Variants in ATG4C observed in about 807,000 individuals in gnomAD.
The protein encoded by ATG4C is cysteine protease ATG4C.
In ATG4C, 56 loss-of-function variants were observed where a neutral mutation model predicts 57.6. The ratio of observed to expected loss-of-function variants is 0.97; its 90% CI spans 0.78 to 1.21. The LOEUF (loss-of-function observed/expected upper bound fraction) is 1.21, where lower values mean the gene tolerates loss of function less well. ATG4C is among the 50% of genes most tolerant of loss of function. ATG4C has a pLI of 0.00. For synonymous variants in ATG4C, 157 were observed against 174.1 expected, an observed-to-expected ratio of 0.90 and a Z score of 0.78; for missense variants, 595 against 529.8, an observed-to-expected ratio of 1.12 and a Z score of -1.21.
chr1:62,848,756 A>G (rs1344438978), intron 10 of ATG4C, among the ~76,000 whole-genome samples: 1 of 152,194 alleles, frequency 6.6e-6, no homozygotes, highest in Non-Finnish European at 1.5e-5. Context: ...TTTAATCCCC[A>G]AGAAACTATT....
At chr1:62,856,677 A>G (rs569494457) in intron 10 of ATG4C, among the ~76,000 whole-genome samples, 2 of 152,326 alleles carry the variant, frequency 1.3e-5, no homozygotes, top group East Asian at 3.9e-4. Context: ...AGACAAATGT[A>G]TAGGACTTTG....
At chr1:62,801,643 G>A (rs995150751) in intron 1 of ATG4C, among the ~76,000 whole-genome samples, 1 of 151,566 alleles carries the variant, frequency 6.6e-6, no homozygotes, top group African/African-American at 2.4e-5. Context: ...GGGAGACAGA[G>A]CGAGACTCCA....
At chr1:62,857,601 C>T (rs1666725426) in intron 10 of ATG4C, among the ~76,000 whole-genome samples, 1 of 152,150 alleles carries the variant, frequency 6.6e-6, no homozygotes, top group African/African-American at 2.4e-5. Flanking sequence ...GAGAAATTGT[C>T]TTCCATGAAA....
Position 62,819,171 on chromosome 1 carries a change from T to C in ATG4C, c.561T>C (p.Asp187=). The C allele has an allele frequency of 6.2e-7, 1 of 1,613,556 alleles. No homozygotes were observed. Among genetic ancestry groups the C allele is most frequent in the Non-Finnish European group, 8.5e-7 (1 of 1,179,714 alleles). ...AGGAAACAATTGGGAAATATTCTGA[T>C]GATCATGAAATGCGAAATGAAGTTT... The part of the protein sequence containing the change: ...SLKETIGKYS[D]DHEMRNEVYH... The change falls in exon 5 of 11, where the codon GAT becomes GAC. Residue 187 remains aspartate (D), a synonymous_variant. Transcript: ENST00000317868.
At chr1:62,855,955 TCA>T (rs1439573164) in intron 10 of ATG4C, among the ~76,000 whole-genome samples, 1 of 152,242 alleles carries the variant, frequency 6.6e-6, no homozygotes, top group Non-Finnish European at 1.5e-5. Context: ...GGAAGTATTT[TCA>T]GTTTTCAGAT....
In ATG4C at chr1:62,835,338, AT is replaced by A. The variant is rs529104788; in HGVS notation, c.1089+494del. 226 of 311,226 alleles carry A rather than the reference AT, an allele frequency of 7.3e-4. 1 individual carries two copies. Among genetic ancestry groups the A allele is most frequent in the East Asian group, 1.3e-3 (13 of 9,812 alleles). The allele number at this position is 311,226 out of a possible 1,614,324, so 19.3% of individuals were successfully genotyped here. On this transcript the variant is annotated intron_variant, in intron 9 of 10. Coordinates refer to ENST00000317868, the MANE Select transcript of ATG4C (RefSeq NM_032852.4). The stretch of plus-strand genomic sequence containing the variant: ...TTTCAAGAGCTTAGTTGGGTTTCTA[AT>A]TTTTTTTGAGCTTTTATTTCTTAAC...
At chr1:62,837,713 G>C (rs1485646177) in intron 9 of ATG4C, among the ~76,000 whole-genome samples, 2 of 152,122 alleles carry the variant, frequency 1.3e-5, no homozygotes. Flanking sequence ...TAGATTGGAT[G>C]AGTGAATTCT....
intron 1 of ATG4C, among the ~76,000 whole-genome samples, chr1:62,785,761 A>G (rs1280262958): frequency 6.6e-6 from 1 of 152,180 alleles, no homozygotes; most frequent in East Asian, 1.9e-4. Context: ...AAATATTAAT[A>G]CTGGTACAAT....
intron 10 of ATG4C, among the ~76,000 whole-genome samples, chr1:62,847,282 G>A (rs996218844): frequency 5.3e-5 from 8 of 152,146 alleles, no homozygotes; most frequent in South Asian, 2.1e-4. Flanking sequence ...CATCTGGAAC[G>A]GTGCTCAGCT....
intron 10 of ATG4C, among the ~76,000 whole-genome samples, chr1:62,844,446 C>CT (rs1666269274): frequency 6.6e-6 from 1 of 152,128 alleles, no homozygotes; most frequent in Non-Finnish European, 1.5e-5. Context: ...ATATAAGTCT[C>CT]TGAGTTTTGG....
At chr1:62,851,765 G>A (rs922145122) in intron 10 of ATG4C, among the ~76,000 whole-genome samples, 2 of 152,018 alleles carry the variant, frequency 1.3e-5, no homozygotes, top group African/African-American at 4.8e-5. Context: ...AAAAAGGAGT[G>A]GGAATACTAA....
At position 62,834,824 on chromosome 1, in the gene ATG4C, A is replaced by T; in HGVS notation, c.1061A>T (p.Asp354Val). 7.4e-6 allele frequency: 12 copies of T among 1,612,342 alleles called. No individual in the cohort carries two copies. The highest frequency in any genetic ancestry group is 1.0e-5 in the Non-Finnish European group (12 of 1,178,812). ...MDPHYCQSFV[D>V]VSIKDFPLET... ...CCTCATTACTGCCAATCTTTTGTAGATGTCAGCATAAAGGATTTCCCTCTT... is the reference window on the plus strand; with the variant it reads ...CCTCATTACTGCCAATCTTTTGTAGTTGTCAGCATAAAGGATTTCCCTCTT... Residue 354 changes from aspartate to valine, a missense_variant, in exon 9 of 11, where the codon GAT becomes GTT. By Grantham distance (152) the Asp-to-Val change is radical. Transcript: ENST00000317868.
At chr1:62,863,449 C>T (rs1458935873) in intron 10 of ATG4C, among the ~76,000 whole-genome samples, 1 of 151,868 alleles carries the variant, frequency 6.6e-6, no homozygotes, top group Admixed American at 6.6e-5. Flanking sequence ...TGTTTTTGTA[C>T]ACTTGATCTT....
rs959533679 is a variant in ATG4C at position 62,865,276 on chromosome 1, A to AT, written c.*1124dup. ...ATATATTGCTCTGAAAACAATATTA[A>AT]TTTTTTTAAGTGGAGCTTTCATGTT... On this transcript the variant is annotated 3_prime_UTR_variant, in exon 11 of 11. Coordinates refer to ENST00000317868, the MANE Select transcript of ATG4C (RefSeq NM_032852.4). 1.4e-4 allele frequency: 21 copies of AT among 151,852 alleles called. No individual in the cohort carries two copies. The highest frequency in any genetic ancestry group is 5.1e-4 in the African/African-American group (21 of 41,414). 9.4% of individuals were successfully genotyped at this position (151,852 alleles called of 1,614,324 possible).
chr1:62,829,317 T>C, intron 7 of ATG4C, 141 bp downstream of exon 7: 1 of 985,140 alleles, frequency 1.0e-6, no homozygotes, highest in Non-Finnish European at 1.5e-6. Context: ...ACATTAGAGA[T>C]TTTAAATTTT....
chr1:62,824,381 G>C (rs11208042), intron 6 of ATG4C, among the ~76,000 whole-genome samples: 3 of 151,892 alleles, frequency 2.0e-5, no homozygotes, highest in African/African-American at 7.3e-5. Flanking sequence ...TAGGTGATGA[G>C]AAGAATTTGA....
At chr1:62,807,487 C>G (rs939534156) in intron 3 of ATG4C, among the ~76,000 whole-genome samples, 1 of 152,144 alleles carries the variant, frequency 6.6e-6, no homozygotes, top group Non-Finnish European at 1.5e-5. Flanking sequence ...ACTTTCAGCC[C>G]CATTCCCAAT....
chr1:62,834,590 A>T (rs986086388), intron 8 of ATG4C, among the ~76,000 whole-genome samples, 186 bp from the exon 9 acceptor site: 1 of 152,080 alleles, frequency 6.6e-6, no homozygotes, highest in African/African-American at 2.4e-5. Context: ...TTCTGCTTAT[A>T]CAAGCATATT....
At chr1:62,833,955 CT>C in intron 7 of ATG4C, 82 bp from the exon 8 acceptor site, 1 of 1,181,278 alleles carries the variant, frequency 8.5e-7, no homozygotes, top group Non-Finnish European at 1.2e-6. Context: ...TTGGGAGCTA[CT>C]AATATTAGTA....
Sources: allele counts gnomAD v4.1 joint callset (sites outside exome capture counted in the v4.1 genomes callset), GRCh38; gene constraint gnomAD v4.1.1; transcripts MANE v1.5; gene names NCBI Gene and HGNC (gene_info 2026-07-23, HGNC 2026-07-21).